The following GALNT13 variants were observed in gnomAD, a reference collection of about 807,000 sequenced individuals.
GALNT13 encodes the protein polypeptide N-acetylgalactosaminyltransferase 13, also known as UDP-GalNAc:polypeptide N-acetylgalactosaminyltransferase 13.
Under a neutral mutation model 64.2 loss-of-function variants are expected in GALNT13, and 28 were observed. The observed-to-expected ratio is 0.44, with a 90% CI of 0.32 to 0.60. The LOEUF is 0.60. Among genes scored for constraint, GALNT13 ranks in the 20% least tolerant of loss-of-function variants. The pLI is 0.05. For missense variants in GALNT13, 577 were observed against 669.8 expected, an observed-to-expected ratio of 0.86 and a Z score of 1.53; for synonymous variants, 214 against 224.6, an observed-to-expected ratio of 0.95 and a Z score of 0.42.
rs115787923 is a variant in GALNT13 at position 154,235,003 on chromosome 2, G to C, written c.312-7027G>C. ...TCTAATATGGGATTAGGGAAAAGTA[G>C]AGAAATTCCTTGGCTTCCTGTTCCT... is the stretch of plus-strand genomic sequence containing the variant. On this transcript the variant is annotated intron_variant, in intron 4 of 12. Coordinates refer to ENST00000392825, the MANE Select transcript of GALNT13 (RefSeq NM_052917.4). 7.6e-3 allele frequency among the ~76,000 whole-genome samples: 1,163 copies of C among 152,266 alleles called. 21 individuals are homozygous for C. Among genetic ancestry groups the C allele is most frequent in the African/African-American group, 0.026 (1,060 of 41,568 alleles).
intron 4 of GALNT13, among the ~76,000 whole-genome samples, chr2:154,166,214 G>A (rs1172862003): frequency 1.3e-5 from 2 of 152,156 alleles, no homozygotes; most frequent in Non-Finnish European, 2.9e-5. Context: ...AGACCAGCCT[G>A]TCCAACATGG....
intron 3 of GALNT13, among the ~76,000 whole-genome samples, chr2:154,096,936 G>C (rs1702100540): frequency 6.6e-6 from 1 of 151,632 alleles, no homozygotes; most frequent in South Asian, 2.1e-4. Context: ...TATGACACAG[G>C]GTATTTTTGT....
the GALNT13 span, among the ~76,000 whole-genome samples, chr2:153,260,830 G>T: frequency 4.6e-5 from 7 of 152,030 alleles, no homozygotes; most frequent in Non-Finnish European, 7.4e-5. Context: ...AGTAGCTCTT[G>T]GATTTGCCCT....
rs186796530 is a variant in GALNT13, at chr2:154,410,931, G to A, written c.1395+1849G>A. On this transcript the variant is annotated intron_variant, in intron 11 of 12. Transcript: ENST00000392825. ...TCATCTGCACGTTTTCAAATACCCA[G>A]AAATAAGCTATCTCACTCTACTGCA... 5.4e-3 allele frequency among the ~76,000 whole-genome samples: 828 copies of A among 151,950 alleles called. 3 individuals are homozygous for A. The highest frequency in any genetic ancestry group is 9.2e-3 in the Non-Finnish European group (622 of 67,826).
chr2:153,899,348 A>T (rs970142758), intron 1 of GALNT13, among the ~76,000 whole-genome samples: 5 of 152,200 alleles, frequency 3.3e-5, no homozygotes, highest in African/African-American at 1.2e-4. Flanking sequence ...AATATGCTAA[A>T]GTATGAAGAA....
chr2:153,478,131 T>G, the GALNT13 span: 1 of 879,580 alleles, frequency 1.1e-6, no homozygotes, highest in East Asian at 2.7e-5. Flanking sequence ...GAGAAATAAT[T>G]GACTCCGACA....
chr2:153,380,650 G>C, the GALNT13 span, among the ~76,000 whole-genome samples: 1 of 151,990 alleles, frequency 6.6e-6, no homozygotes, highest in Non-Finnish European at 1.5e-5. Context: ...TAGTATAGTG[G>C]AAAATGGTGT....
the GALNT13 span, among the ~76,000 whole-genome samples, chr2:153,719,613 A>T: frequency 6.6e-6 from 1 of 152,156 alleles, no homozygotes; most frequent in African/African-American, 2.4e-5. Flanking sequence ...CGCACCGTGC[A>T]CGAGCCGAAG....
intron 8 of GALNT13, among the ~76,000 whole-genome samples, chr2:154,273,998 TTCTTA>T (rs1477572750): frequency 6.6e-6 from 1 of 152,136 alleles, no homozygotes; most frequent in Admixed American, 6.6e-5. Context: ...ATTATTTTGT[TTCTTA>T]TCTTGAATGC....
chr2:154,454,970 G>A (rs760030919), downstream of GALNT13, among the ~76,000 whole-genome samples: 2 of 152,142 alleles, frequency 1.3e-5, no homozygotes, highest in South Asian at 2.1e-4. Flanking sequence ...TAGGTTCTAT[G>A]TTATGGAGCT....
At chr2:154,223,547 G>A (rs1408290446) in intron 4 of GALNT13, among the ~76,000 whole-genome samples, 1 of 150,354 alleles carries the variant, frequency 6.7e-6, no homozygotes, top group Non-Finnish European at 1.5e-5. Context: ...CGCCTCCTGG[G>A]TTCAAGCGAT....
chr2:153,740,603 GA>G, the GALNT13 span, among the ~76,000 whole-genome samples: 2 of 151,890 alleles, frequency 1.3e-5, no homozygotes, highest in Non-Finnish European at 2.9e-5. Context: ...TATAATTTTG[GA>G]TTGTATCCTG....
chr2:153,646,930 C>G, the GALNT13 span, among the ~76,000 whole-genome samples: 70 of 152,114 alleles, frequency 4.6e-4, no homozygotes, highest in East Asian at 2.9e-3. Flanking sequence ...ACATACGTGT[C>G]CATGTGTCTT....
the GALNT13 span, among the ~76,000 whole-genome samples, chr2:153,406,319 CTTATT>C: frequency 1.3e-3 from 203 of 152,134 alleles, 2 homozygotes; most frequent in African/African-American, 4.6e-3. Flanking sequence ...AATTTAAAAT[CTTATT>C]TTATTTATTT....
chr2:153,857,604 G>A, the GALNT13 span, among the ~76,000 whole-genome samples: 2 of 152,062 alleles, frequency 1.3e-5, no homozygotes, highest in Non-Finnish European at 2.9e-5. Context: ...GAGGTCAGAC[G>A]AGTTATAGAA....
the GALNT13 span, among the ~76,000 whole-genome samples, chr2:153,071,633 C>T: frequency 2.0e-5 from 3 of 152,090 alleles, no homozygotes; most frequent in Admixed American, 6.6e-5. Flanking sequence ...TTTTACTGAC[C>T]GACAGAAATT....
the GALNT13 span, among the ~76,000 whole-genome samples, chr2:153,453,365 G>C: frequency 6.6e-6 from 1 of 152,042 alleles, no homozygotes; most frequent in African/African-American, 2.4e-5. Flanking sequence ...TTTGCAAACT[G>C]TGCTTTCCAT....
At chr2:154,246,049 C>A in intron 7 of GALNT13, 67 bp downstream of exon 7, 1 of 1,069,630 alleles carries the variant, frequency 9.3e-7, no homozygotes, top group South Asian at 1.7e-5. Context: ...TTATAGATTT[C>A]TGTTCTAATG....
chr2:154,261,010 T>C (rs1690665595), intron 8 of GALNT13, among the ~76,000 whole-genome samples: 1 of 152,176 alleles, frequency 6.6e-6, no homozygotes, highest in Non-Finnish European at 1.5e-5. Flanking sequence ...ATCTCCCAGA[T>C]TGGCGGGATG....
Sources: gnomAD v4.1 joint callset for allele counts (sites outside exome capture counted in the v4.1 genomes callset) on GRCh38, gnomAD v4.1.1 for gene constraint, MANE v1.5 for transcripts, NCBI Gene and HGNC (gene_info 2026-07-23, HGNC 2026-07-21) for gene names.